ATP10A: variants seen among roughly 807,000 people sequenced by gnomAD.
ATP10A encodes the protein ATPase phospholipid transporting 10A (putative).
ATP10A carries 111 observed loss-of-function variants against 147.8 expected under a neutral mutation model. That is an observed-to-expected ratio of 0.75 (90% CI 0.64 to 0.88). The LOEUF (loss-of-function observed/expected upper bound fraction) is 0.88, where lower values mean the gene tolerates loss of function less well. ATP10A is among the 40% of genes least tolerant of loss of function. The pLI is 0.00. For synonymous variants in ATP10A, 875 were observed against 841.6 expected (o/e 1.04, Z -0.69); for missense variants, 1,927 against 1,959.0 (o/e 0.98, Z 0.31).
Position 25,758,897 on chromosome 15 carries a change from T to C in ATP10A, c.654+22122A>G, listed in dbSNP as rs150140163. The stretch of plus-strand genomic sequence containing the variant: ...CCACCTGCTCCACCCTTACTCATTC[T>C]GATCACCTGCTCCACCCTAACTCAT... On this transcript the variant is annotated intron_variant, in intron 2 of 20. Transcript: ENST00000555815. Among the ~76,000 whole-genome samples the C allele has an allele frequency of 3.5e-3, 483 of 136,320 alleles. 37 individuals are homozygous for C. The highest frequency in any genetic ancestry group is 0.013 in the African/African-American group (420 of 31,686). 89.4% of individuals were successfully genotyped at this position (136,320 alleles called of 152,430 possible).
In ATP10A at chr15:25,702,039, A is replaced by T. The variant is rs1323250931; in HGVS notation, c.2637T>A (p.Arg879=). 1 of 1,614,138 alleles carries T rather than the reference A, an allele frequency of 6.2e-7. No individual in the cohort carries two copies. The highest frequency in any genetic ancestry group is 8.5e-7 in the Non-Finnish European group (1 of 1,180,012). ...DGVPETISKL[R]QAGLQIWVLT... is the part of the protein sequence containing the mutation. Reference sequence around the variant, plus strand: ...GAACCCAAATCTGCAGGCCCGCTTGACGCAATTTAGAAATAGTTTCAGGGA... The same window carrying T: ...GAACCCAAATCTGCAGGCCCGCTTGTCGCAATTTAGAAATAGTTTCAGGGA... Residue 879 remains arginine (R), a synonymous_variant, in exon 13 of 21, where the codon CGT becomes CGA. Coordinates refer to ENST00000555815, the MANE Select transcript of ATP10A (RefSeq NM_024490.4).
At chr15:25,835,504 A>G (rs944620861) in intron 1 of ATP10A, among the ~76,000 whole-genome samples, 13 of 152,236 alleles carry the variant, frequency 8.5e-5, no homozygotes, top group African/African-American at 3.1e-4. Flanking sequence ...TTTCCTGACT[A>G]TGGGGTCAGC....
chr15:25,699,018 C>T (rs1357546503), intron 13 of ATP10A, among the ~76,000 whole-genome samples: 1 of 152,138 alleles, frequency 6.6e-6, no homozygotes, highest in Non-Finnish European at 1.5e-5. Context: ...ATCAATGCTT[C>T]CCAAATTGAT....
intron 1 of ATP10A, among the ~76,000 whole-genome samples, chr15:25,850,400 A>G (rs1039174841): frequency 6.6e-6 from 1 of 152,114 alleles, no homozygotes; most frequent in Non-Finnish European, 1.5e-5. Context: ...TGTACGGGGA[A>G]CAAAACTGAT....
intron 1 of ATP10A, among the ~76,000 whole-genome samples, chr15:25,800,387 C>T (rs534013410): frequency 8.0e-4 from 122 of 152,168 alleles, no homozygotes; most frequent in African/African-American, 2.6e-3. Context: ...CTCTGATATC[C>T]GCCTGTCCCC....
chr15:25,789,447 A>C (rs1890310020), intron 1 of ATP10A, among the ~76,000 whole-genome samples: 2 of 152,276 alleles, frequency 1.3e-5, no homozygotes, highest in Admixed American at 6.5e-5. Context: ...CCTAAATGGG[A>C]GGATCACCAC....
intron 2 of ATP10A, among the ~76,000 whole-genome samples, chr15:25,741,042 C>G (rs1165232353): frequency 6.6e-6 from 1 of 152,194 alleles, no homozygotes; most frequent in East Asian, 1.9e-4. Flanking sequence ...TCTGGAGAAG[C>G]CTTCCTGACG....
chr15:25,711,345 G>A (rs1430191391), intron 10 of ATP10A, among the ~76,000 whole-genome samples: 1 of 152,046 alleles, frequency 6.6e-6, no homozygotes, highest in Non-Finnish European at 1.5e-5. Flanking sequence ...CAGGCAGAGC[G>A]ATTCCCAGGC....
At chr15:25,759,699 A>G (rs865998568) in intron 2 of ATP10A, among the ~76,000 whole-genome samples, 19 of 151,742 alleles carry the variant, frequency 1.3e-4, no homozygotes, top group African/African-American at 4.4e-4. Flanking sequence ...AGTCCCACCT[A>G]TTCAGGAGGC....
At chr15:25,804,661 A>T (rs12908403) in intron 1 of ATP10A, among the ~76,000 whole-genome samples, 4 of 151,966 alleles carry the variant, frequency 2.6e-5, no homozygotes, top group Admixed American at 2.6e-4. Context: ...GGTGCCTGGA[A>T]AAGCATCTCA....
At chr15:25,803,030 C>T (rs542065585) in intron 1 of ATP10A, among the ~76,000 whole-genome samples, 1 of 152,318 alleles carries the variant, frequency 6.6e-6, no homozygotes, top group East Asian at 1.9e-4. Flanking sequence ...ACCTAGTTTC[C>T]TCCAGGTGCT....
At chr15:25,718,123 G>T (rs960941062) in intron 8 of ATP10A, 59 bp downstream of exon 8, 11 of 1,543,316 alleles carry the variant, frequency 7.1e-6, no homozygotes, top group Middle Eastern at 1.7e-4. Context: ...ATGAGCGGGG[G>T]ATGGTGAAAA....
intron 1 of ATP10A, among the ~76,000 whole-genome samples, chr15:25,841,927 C>A (rs1160469822): frequency 2.0e-5 from 3 of 152,168 alleles, no homozygotes; most frequent in Non-Finnish European, 2.9e-5. Context: ...GTAATGAGCT[C>A]ATTTTTCAGT....
At chr15:25,840,578 C>A (rs1892769676) in intron 1 of ATP10A, among the ~76,000 whole-genome samples, 1 of 152,110 alleles carries the variant, frequency 6.6e-6, no homozygotes, top group Admixed American at 6.5e-5. Flanking sequence ...AGGTTATTTC[C>A]AGTGTTGGGT....
intron 1 of ATP10A, among the ~76,000 whole-genome samples, chr15:25,797,114 C>G (rs1301636999): frequency 1.3e-5 from 2 of 152,036 alleles, no homozygotes. Context: ...ATCCTTTGAC[C>G]AAAATCCCCC....
At position 25,680,929 on chromosome 15, in the gene ATP10A, G is replaced by T. The variant is rs199878635; in HGVS notation, c.3574-15C>A. On this transcript the variant is annotated splice_polypyrimidine_tract_variant and intron_variant, in intron 18 of 20. Transcript: ENST00000555815. ...TCATAGTAGGCCTGAAAGACAGTGG[G>T]GTCCTGGATCTGTAGGTCCCCGGAT... 2 of 1,613,730 alleles carry T rather than the reference G, an allele frequency of 1.2e-6. No individual in the cohort carries two copies. Among genetic ancestry groups the T allele is most frequent in the African/African-American group, 2.7e-5 (2 of 74,882 alleles).
At chr15:25,849,653 C>G (rs184535080) in intron 1 of ATP10A, among the ~76,000 whole-genome samples, 1 of 152,144 alleles carries the variant, frequency 6.6e-6, no homozygotes, top group Admixed American at 6.5e-5. Flanking sequence ...AGGAGGAGCA[C>G]GGCGCAGCTG....
At chr15:25,798,269 C>G (rs909933023) in intron 1 of ATP10A, among the ~76,000 whole-genome samples, 2 of 152,154 alleles carry the variant, frequency 1.3e-5, no homozygotes, top group African/African-American at 2.4e-5. Flanking sequence ...CTGGAGGCAC[C>G]TGGTGCAGTG....
intron 10 of ATP10A, among the ~76,000 whole-genome samples, chr15:25,711,978 C>T (rs2140383267): frequency 6.6e-6 from 1 of 152,294 alleles, no homozygotes; most frequent in African/African-American, 2.4e-5. Flanking sequence ...CCTCTGGAGG[C>T]CAGGCCACCA....
Sources: allele counts gnomAD v4.1 joint callset (sites outside exome capture counted in the v4.1 genomes callset), GRCh38; gene constraint gnomAD v4.1.1; transcripts MANE v1.5; gene names NCBI Gene and HGNC (gene_info 2026-07-23, HGNC 2026-07-21).